The following UBE2R2 variants were observed in gnomAD, a reference collection of about 807,000 sequenced individuals.
UBE2R2 encodes ubiquitin-conjugating enzyme E2 R2.
In UBE2R2, 1 loss-of-function variant was observed where a neutral mutation model predicts 27.8. The observed-to-expected ratio is 0.04, with a 90% CI of 0.01 to 0.17. The LOEUF is 0.17. Among genes scored for constraint, UBE2R2 ranks in the 10% least tolerant of loss-of-function variants. The pLI is 1.00. For missense variants in UBE2R2, 100 were observed against 291.0 expected (o/e 0.34, Z 4.78); for synonymous variants, 106 against 113.3 (o/e 0.94, Z 0.41).
intron 4 of UBE2R2, 139 bp from the exon 5 acceptor site, chr9:33,916,879 G>GT: frequency 7.5e-7 from 1 of 1,332,204 alleles, no homozygotes; most frequent in East Asian, 2.5e-5. Flanking sequence ...GTAGTACAGG[G>GT]TATCTGTCAG....
intron 1 of UBE2R2, among the ~76,000 whole-genome samples, chr9:33,836,901 C>T (rs943722481): frequency 1.3e-5 from 2 of 151,984 alleles, no homozygotes; most frequent in Non-Finnish European, 2.9e-5. Flanking sequence ...TTTAGAATTT[C>T]GAGGACATTA....
In UBE2R2 at chr9:33,827,005, C is replaced by T. The variant is rs142892758; in HGVS notation, c.177+9071C>T. Among the ~76,000 whole-genome samples the T allele has an allele frequency of 4.5e-3, 687 of 152,220 alleles. 23 individuals carry two copies. Among genetic ancestry groups the T allele is most frequent in the Admixed American group, 0.04 (611 of 15,290 alleles). On this transcript the variant is annotated intron_variant, in intron 1 of 4. Coordinates refer to ENST00000263228, the MANE Select transcript of UBE2R2 (RefSeq NM_017811.4). ...GGCTGAAGCAGGAGAATCTCTTGAA[C>T]CCAGGCCAATCGCTTGAACCCAGGA... is the stretch of plus-strand genomic sequence containing the variant.
chr9:33,915,435 T>TTA (rs1822618069), intron 4 of UBE2R2, among the ~76,000 whole-genome samples: 1 of 151,938 alleles, frequency 6.6e-6, no homozygotes, highest in South Asian at 2.1e-4. Context: ...GGAGTGGTGG[T>TTA]TAAAATTATG....
chr9:33,911,755 T>A (rs534491165), intron 3 of UBE2R2, among the ~76,000 whole-genome samples: 292 of 152,090 alleles, frequency 1.9e-3, no homozygotes, highest in Middle Eastern at 6.8e-3. Flanking sequence ...CTGAAAAAAA[T>A]TTTTTTTTAT....
At chr9:33,870,696 T>A (rs1314156765) in intron 1 of UBE2R2, among the ~76,000 whole-genome samples, 1 of 152,200 alleles carries the variant, frequency 6.6e-6, no homozygotes, top group Non-Finnish European at 1.5e-5. Flanking sequence ...TACTCCTCAA[T>A]AAATAGGTCA....
At chr9:33,854,303 T>C in intron 1 of UBE2R2, among the ~76,000 whole-genome samples, 1 of 152,174 alleles carries the variant, frequency 6.6e-6, no homozygotes, top group Non-Finnish European at 1.5e-5. Flanking sequence ...GAGTTCTATA[T>C]ATTGTCTAAT....
At chr9:33,819,608 A>G (rs1825927500) in intron 1 of UBE2R2, among the ~76,000 whole-genome samples, 2 of 152,038 alleles carry the variant, frequency 1.3e-5, no homozygotes, top group Non-Finnish European at 2.9e-5. Context: ...TACTGGAAAA[A>G]TTAGTTGTAC....
intron 1 of UBE2R2, among the ~76,000 whole-genome samples, chr9:33,824,134 T>C (rs1820241708): frequency 6.6e-6 from 1 of 152,236 alleles, no homozygotes; most frequent in South Asian, 2.1e-4. Context: ...GAATATGCTT[T>C]TATCCTGTTT....
At chr9:33,891,838 A>G (rs1381224845) in intron 2 of UBE2R2, among the ~76,000 whole-genome samples, 1 of 151,452 alleles carries the variant, frequency 6.6e-6, no homozygotes, top group Non-Finnish European at 1.5e-5. Flanking sequence ...GGCTGGGCAC[A>G]GTGGCTTATG....
rs1822718802 is a variant in UBE2R2, at chr9:33,918,725, G to A, written c.*1488G>A. 6.6e-6 allele frequency: 1 copy of A among 152,616 alleles called. No homozygotes were observed. Among genetic ancestry groups the A allele is most frequent in the Admixed American group, 6.6e-5 (1 of 15,266 alleles). The allele number at this position is 152,616 out of a possible 1,614,324, so 9.5% of individuals were successfully genotyped here. ...GATTTCAGAAGGAAAATGCAGCAAG[G>A]ACTGACTGTAGTCCTATTTCAGACC... On this transcript the variant is annotated 3_prime_UTR_variant, in exon 5 of 5. Transcript: ENST00000263228.
chr9:33,860,857 A>C (rs970082872), intron 1 of UBE2R2, among the ~76,000 whole-genome samples: 5 of 152,030 alleles, frequency 3.3e-5, no homozygotes, highest in Non-Finnish European at 7.4e-5. Flanking sequence ...TGATCATGCC[A>C]CTGTACTCCA....
intron 1 of UBE2R2, among the ~76,000 whole-genome samples, chr9:33,819,852 C>G (rs1046347193): frequency 6.6e-6 from 1 of 152,076 alleles, no homozygotes; most frequent in Non-Finnish European, 1.5e-5. Context: ...TTGGCCAGGC[C>G]GGTCTCGAAC....
In UBE2R2 at chr9:33,873,950, ATTTTTTT is replaced by A. The variant is rs11321860; in HGVS notation, c.178-12921_178-12915del. 2.1e-5 allele frequency among the ~76,000 whole-genome samples: 3 copies of A among 144,048 alleles called. No homozygotes were observed. In the Admixed American group the frequency reaches 2.1e-4, roughly 10 times the overall value. 94.5% of individuals were successfully genotyped at this position (144,048 alleles called of 152,430 possible). A position where few individuals can be genotyped will look rare whatever the true frequency, so the allele number is the denominator to read the frequency against. Reference sequence around the variant, plus strand: ...GAACCAGCCACTGTGCCTGGCCTAAATTTTTTTTTTTTTTTTGGATGGAATTTCGTTC... The same window carrying A: ...GAACCAGCCACTGTGCCTGGCCTAAATTTTTTTTTGGATGGAATTTCGTTC... On this transcript the variant is annotated intron_variant, in intron 1 of 4. Transcript: ENST00000263228.
intron 1 of UBE2R2, among the ~76,000 whole-genome samples, chr9:33,852,392 T>C (rs886166773): frequency 1.3e-5 from 2 of 152,178 alleles, no homozygotes; most frequent in Non-Finnish European, 2.9e-5. Context: ...AAATCTGACC[T>C]GGTCCTAGCT....
chr9:33,855,293 T>G (rs1482262012), intron 1 of UBE2R2, among the ~76,000 whole-genome samples: 1 of 152,224 alleles, frequency 6.6e-6, no homozygotes, highest in African/African-American at 2.4e-5. Flanking sequence ...TTTTTGTGTT[T>G]TGTAGATAAC....
chr9:33,898,472 T>C (rs1223798112), intron 2 of UBE2R2, among the ~76,000 whole-genome samples: 1 of 129,372 alleles, frequency 7.7e-6, no homozygotes, highest in African/African-American at 2.5e-5. Context: ...GTATTAATTT[T>C]ATTTTAAAAA....
intron 1 of UBE2R2, among the ~76,000 whole-genome samples, chr9:33,840,967 CA>C (rs1820721111): frequency 6.6e-6 from 1 of 152,186 alleles, no homozygotes; most frequent in South Asian, 2.1e-4. Flanking sequence ...CTCTTTCACC[CA>C]GGCTGGAGTG....
chr9:33,864,766 C>G (rs530182220), intron 1 of UBE2R2, among the ~76,000 whole-genome samples: 1 of 150,984 alleles, frequency 6.6e-6, no homozygotes, highest in Non-Finnish European at 1.5e-5. Flanking sequence ...CTCTTGTTGC[C>G]CAGGCTGGAG....
chr9:33,832,521 G>A (rs1052659116), intron 1 of UBE2R2, among the ~76,000 whole-genome samples: 3 of 151,722 alleles, frequency 2.0e-5, no homozygotes, highest in African/African-American at 4.8e-5. Flanking sequence ...GCTGCGCTTC[G>A]CGGCCAGCAC....
Sources: gnomAD v4.1 joint callset for allele counts (sites outside exome capture counted in the v4.1 genomes callset) on GRCh38, gnomAD v4.1.1 for gene constraint, MANE v1.5 for transcripts, NCBI Gene and HGNC (gene_info 2026-07-23, HGNC 2026-07-21) for gene names.